Variants in USP32 observed in about 807,000 individuals in gnomAD.
USP32 encodes the protein ubiquitin carboxyl-terminal hydrolase 32.
In USP32, 59 loss-of-function variants were observed where a neutral mutation model predicts 204.8. The ratio of observed to expected loss-of-function variants is 0.29; its 90% CI spans 0.23 to 0.36. USP32 has a LOEUF of 0.36. Ranked by LOEUF, USP32 falls within the 10% of genes least tolerant of loss-of-function variation. The pLI, the probability that USP32 is intolerant of heterozygous loss-of-function variation, is 1.00. For missense variants in USP32, 1,160 were observed against 1,946.4 expected (o/e 0.60, Z 7.60); for synonymous variants, 517 against 678.4 (o/e 0.76, Z 3.70).
At chr17:60,349,578 GA>G (rs757370384) in intron 1 of USP32, among the ~76,000 whole-genome samples, 1,585 of 27,688 alleles carry the variant, frequency 0.057, 32 homozygotes, top group Middle Eastern at 0.12. Flanking sequence ...TGTCTCAAAA[GA>G]AAAAAAAAAA....
chr17:60,259,325 G>A (rs2086395357), intron 9 of USP32, among the ~76,000 whole-genome samples: 1 of 152,102 alleles, frequency 6.6e-6, no homozygotes, highest in South Asian at 2.1e-4. Flanking sequence ...TTCATATATA[G>A]CATATATGCC....
intron 1 of USP32, among the ~76,000 whole-genome samples, chr17:60,366,570 A>AT (rs1450800329): frequency 6.6e-6 from 1 of 151,840 alleles, no homozygotes; most frequent in African/African-American, 2.4e-5. Flanking sequence ...CCAGCCCGCC[A>AT]TTTTTTAATG....
In USP32 at chr17:60,255,301, T is replaced by TC. The variant is rs773112065; in HGVS notation, c.991-44_991-43insG. 13 of 1,164,080 alleles carry TC rather than the reference T, an allele frequency of 1.1e-5. No homozygotes were observed. The East Asian group carries it at 1.5e-4, about 14-fold the overall frequency. 72.1% of individuals were successfully genotyped at this position (1,164,080 alleles called of 1,614,324 possible). Reference sequence around the variant, plus strand: ...ATGTTAGGAACATCTTTTTTTTCTTTTTTTTTTTTTTTTTGAGACGGAGTC... The same window carrying TC: ...ATGTTAGGAACATCTTTTTTTTCTTTCTTTTTTTTTTTTTTGAGACGGAGTC... On this transcript the variant is annotated intron_variant, in intron 9 of 33. Coordinates refer to ENST00000300896, the MANE Select transcript of USP32 (RefSeq NM_032582.4).
At chr17:60,247,070 T>C (rs1023720699) in intron 11 of USP32, among the ~76,000 whole-genome samples, 1 of 152,252 alleles carries the variant, frequency 6.6e-6, no homozygotes, top group Non-Finnish European at 1.5e-5. Flanking sequence ...TTTGGCTGAC[T>C]GTGCTTTTGA....
intron 12 of USP32, among the ~76,000 whole-genome samples, chr17:60,228,811 G>A (rs1262767645): frequency 2.6e-5 from 4 of 151,194 alleles, no homozygotes; most frequent in Admixed American, 6.6e-5. Flanking sequence ...GCAACAGAGC[G>A]AGACTCTTTG....
At chr17:60,187,484 A>G (rs1039023372) in intron 29 of USP32, among the ~76,000 whole-genome samples, 7 of 152,222 alleles carry the variant, frequency 4.6e-5, no homozygotes, top group African/African-American at 1.7e-4. Flanking sequence ...GTGCTGCATC[A>G]TCGTTGTTGG....
rs530103600 is a variant in USP32 at position 60,212,195 on chromosome 17, G to T, written c.2105-97C>A. On this transcript the variant is annotated intron_variant, in intron 18 of 33. Transcript: ENST00000300896. ...TTAAAGACATCTTATTCCTAAATCA[G>T]AAGTTTTAAAATCTAGTTAATTTTA... 2.6e-5 allele frequency: 28 copies of T among 1,066,602 alleles called. No individual in the cohort carries two copies. In the East Asian group the frequency reaches 5.6e-4, roughly 21 times the overall value. 66.1% of individuals were successfully genotyped at this position (1,066,602 alleles called of 1,614,324 possible). A position where few individuals can be genotyped will look rare whatever the true frequency, so the allele number is the denominator to read the frequency against.
intron 2 of USP32, among the ~76,000 whole-genome samples, chr17:60,327,063 A>C (rs113826022): frequency 9.7e-4 from 147 of 152,320 alleles, no homozygotes; most frequent in African/African-American, 3.1e-3. Flanking sequence ...ATGCTACAGC[A>C]CTATAGGGTG....
At chr17:60,225,727 G>A (rs1259211117) in intron 13 of USP32, among the ~76,000 whole-genome samples, 1 of 152,074 alleles carries the variant, frequency 6.6e-6, no homozygotes, top group African/African-American at 2.4e-5. Context: ...GCCGAGGCAG[G>A]CAGATCACGA....
At chr17:60,409,165 T>G (rs536146310) in intron 1 of USP32, among the ~76,000 whole-genome samples, 1 of 152,150 alleles carries the variant, frequency 6.6e-6, no homozygotes, top group Admixed American at 6.5e-5. Context: ...CTGAGCAACA[T>G]GGCGAAACCC....
intron 12 of USP32, among the ~76,000 whole-genome samples, chr17:60,232,436 G>A (rs1243438687): frequency 6.7e-6 from 1 of 148,974 alleles, no homozygotes; most frequent in Non-Finnish European, 1.5e-5. Flanking sequence ...GCCTCCCAAA[G>A]AGCTGGGATT....
intron 1 of USP32, among the ~76,000 whole-genome samples, chr17:60,406,156 C>CAAA (rs35763642): frequency 5.8e-4 from 26 of 45,048 alleles, no homozygotes; most frequent in Admixed American, 9.2e-4. Flanking sequence ...GACCTTGTCT[C>CAAA]AAAAAAAAAA....
chr17:60,288,338 G>A (rs2087175861), intron 5 of USP32, among the ~76,000 whole-genome samples, 185 bp downstream of exon 5: 2 of 152,036 alleles, frequency 1.3e-5, no homozygotes, highest in Admixed American at 6.6e-5. Flanking sequence ...TGCTTGGGAG[G>A]ATGAGGTGAG....
At chr17:60,339,676 G>A (rs982154966) in intron 2 of USP32, among the ~76,000 whole-genome samples, 14 of 151,272 alleles carry the variant, frequency 9.3e-5, no homozygotes, top group Non-Finnish European at 1.6e-4. Context: ...GTAAGTCTTC[G>A]GAAGTAAAAA....
intron 12 of USP32, among the ~76,000 whole-genome samples, chr17:60,228,209 G>GA (rs2085447214): frequency 6.6e-6 from 1 of 151,966 alleles, no homozygotes. Context: ...ATTTTTAATA[G>GA]AGACAGGGTT....
intron 2 of USP32, among the ~76,000 whole-genome samples, chr17:60,328,700 G>A (rs1400957956): frequency 6.6e-6 from 1 of 152,188 alleles, no homozygotes; most frequent in Non-Finnish European, 1.5e-5. Flanking sequence ...CTGAGCCAGG[G>A]CTATGAGTCC....
chr17:60,367,326 A>G (rs1273036533), intron 1 of USP32, among the ~76,000 whole-genome samples: 1 of 152,100 alleles, frequency 6.6e-6, no homozygotes, highest in African/African-American at 2.4e-5. Flanking sequence ...TAGGCAATAT[A>G]ATGAGACCTT....
At chr17:60,361,551 T>C (rs1347766971) in intron 1 of USP32, among the ~76,000 whole-genome samples, 1 of 152,176 alleles carries the variant, frequency 6.6e-6, no homozygotes, top group Non-Finnish European at 1.5e-5. Flanking sequence ...CATTCCCAGT[T>C]TTTTGGTCAT....
At chr17:60,234,937 G>C (rs780139237) in intron 12 of USP32, among the ~76,000 whole-genome samples, 3 of 152,032 alleles carry the variant, frequency 2.0e-5, no homozygotes, top group Non-Finnish European at 4.4e-5. Context: ...AAATGCCAGA[G>C]TGGAGAAGGG....
Sources: allele counts gnomAD v4.1 joint callset (sites outside exome capture counted in the v4.1 genomes callset), GRCh38; gene constraint gnomAD v4.1.1; transcripts MANE v1.5; gene names NCBI Gene and HGNC (gene_info 2026-07-23, HGNC 2026-07-21).